Variants in BICD1 observed in about 807,000 individuals in gnomAD.
BICD1 encodes the protein BICD cargo adaptor 1.
BICD1 carries 35 observed loss-of-function variants against 92.5 expected under a neutral mutation model. That is an observed-to-expected ratio of 0.38 (90% CI 0.29 to 0.50). BICD1 has a LOEUF of 0.50. Among genes scored for constraint, BICD1 ranks in the 20% least tolerant of loss-of-function variants. BICD1 has a pLI of 0.93. For missense variants in BICD1, 950 were observed against 1,189.8 expected, an observed-to-expected ratio of 0.80 and a Z score of 2.97; for synonymous variants, 429 against 465.1, an observed-to-expected ratio of 0.92 and a Z score of 1.00.
At position 32,305,778 on chromosome 12, in the gene BICD1, A is replaced by T; in HGVS notation, c.661A>T (p.Ile221Phe). 1 of 1,614,190 alleles carries T rather than the reference A, an allele frequency of 6.2e-7. No individual in the cohort carries two copies. The highest frequency in any genetic ancestry group is 2.2e-5 in the East Asian group (1 of 44,884). The change falls in exon 4 of 10, where the codon ATC becomes TTC. Residue 221 changes from isoleucine (I) to phenylalanine (F), a missense_variant. Around this residue, in one of 5 missense-constraint regions of BICD1, gnomAD observed 246 missense variants for 258.4 expected, o/e 0.95. Coordinates refer to ENST00000652176, the MANE Select transcript of BICD1 (RefSeq NM_001714.4). Reference sequence around the variant, plus strand: ...GCTGAACAGCCAGCTGGAAGATGCCATCCGATTGAAAGAGATTGCTGAGCA... The same window carrying T: ...GCTGAACAGCCAGCTGGAAGATGCCTTCCGATTGAAAGAGATTGCTGAGCA... ...VLLNSQLEDA[I>F]RLKEIAEHQL...
Position 32,107,062 on chromosome 12 carries a change from G to A in BICD1, c.-270G>A, listed in dbSNP as rs1592304501. On this transcript the variant is annotated 5_prime_UTR_variant, in exon 1 of 10. Transcript: ENST00000652176. Reference sequence around the variant, plus strand: ...CCGCACGGCTGCTGACCGCACGCAGGGGCCGGCCCCGAGGACACATGCGGC... The same window carrying A: ...CCGCACGGCTGCTGACCGCACGCAGAGGCCGGCCCCGAGGACACATGCGGC... 9.3e-6 allele frequency: 4 copies of A among 430,322 alleles called. No homozygotes were observed. The East Asian group carries it at 1.7e-4, about 19-fold the overall frequency. The allele number at this position is 430,322 out of a possible 1,614,324, so 26.7% of individuals were successfully genotyped here.
At chr12:32,330,583 A>G (rs1186167129) in intron 5 of BICD1, among the ~76,000 whole-genome samples, 2 of 150,244 alleles carry the variant, frequency 1.3e-5, no homozygotes, top group Non-Finnish European at 3.0e-5. Flanking sequence ...TAAAATATAT[A>G]TATATAAAAT....
chr12:32,239,682 C>T (rs1262472765), intron 2 of BICD1, among the ~76,000 whole-genome samples: 2 of 151,746 alleles, frequency 1.3e-5, no homozygotes, highest in South Asian at 2.1e-4. Context: ...GATCTCAGCT[C>T]ACTGCAACCT....
At chr12:32,188,873 G>A (rs144861904) in intron 1 of BICD1, among the ~76,000 whole-genome samples, 122 of 151,956 alleles carry the variant, frequency 8.0e-4, no homozygotes, top group African/African-American at 2.7e-3. Flanking sequence ...GACTACAGGC[G>A]CCCACTACCA....
chr12:32,322,635 G>C (rs1948688859), intron 4 of BICD1, among the ~76,000 whole-genome samples: 1 of 152,242 alleles, frequency 6.6e-6, no homozygotes, highest in African/African-American at 2.4e-5. Context: ...GACTCCTGTT[G>C]TGTAGGGAGG....
intron 1 of BICD1, among the ~76,000 whole-genome samples, chr12:32,166,534 C>T (rs1943777906): frequency 6.6e-6 from 1 of 152,156 alleles, no homozygotes; most frequent in Non-Finnish European, 1.5e-5. Context: ...CTGCACAGGA[C>T]AGCCAACAGG....
chr12:32,214,856 C>T (rs1356053017), intron 1 of BICD1, among the ~76,000 whole-genome samples: 1 of 151,884 alleles, frequency 6.6e-6, no homozygotes, highest in East Asian at 1.9e-4. Context: ...TTTTGGGTTC[C>T]CCCAACACCG....
intron 1 of BICD1, among the ~76,000 whole-genome samples, chr12:32,197,279 G>T (rs1944755864): frequency 1.3e-5 from 2 of 152,176 alleles, no homozygotes; most frequent in African/African-American, 4.8e-5. Context: ...AAAGTGCTGG[G>T]ATTACAGGCT....
At chr12:32,212,655 C>T (rs1945251743) in intron 1 of BICD1, among the ~76,000 whole-genome samples, 1 of 152,170 alleles carries the variant, frequency 6.6e-6, no homozygotes, top group Non-Finnish European at 1.5e-5. Context: ...AACGCCTGAC[C>T]TCAAGTGATC....
intron 8 of BICD1, 70 bp from the exon 9 acceptor site, chr12:32,367,600 T>TA: frequency 7.1e-7 from 1 of 1,411,556 alleles, no homozygotes; most frequent in Non-Finnish European, 1.0e-6. Context: ...GCAGCTGCTT[T>TA]AGTCACTGTT....
chr12:32,137,982 A>ACAAAACCCTACT (rs1942788127), intron 1 of BICD1, among the ~76,000 whole-genome samples: 1 of 152,054 alleles, frequency 6.6e-6, no homozygotes. Flanking sequence ...TGTTTTTAGT[A>ACAAAACCCTACT]GGGACAGGGT....
chr12:32,120,968 AT>A lies in BICD1; in HGVS notation c.213+13442del, dbSNP rs1276999379. Among the ~76,000 whole-genome samples, 409 of 128,464 alleles carry A rather than the reference AT, an allele frequency of 3.2e-3. 2 individuals carry two copies. Among genetic ancestry groups the A allele is most frequent in the African/African-American group, 6.5e-3 (222 of 34,018 alleles). 84.3% of individuals were successfully genotyped at this position (128,464 alleles called of 152,430 possible). A position where few individuals can be genotyped will look rare whatever the true frequency, so the allele number is the denominator to read the frequency against. ...GCTTTTGAATTGTTGGCTCCATAGAATTTTTTTTTTTTTTTTTTGAGACGGA... is the reference window on the plus strand; with the variant it reads ...GCTTTTGAATTGTTGGCTCCATAGAATTTTTTTTTTTTTTTTTGAGACGGA... On this transcript the variant is annotated intron_variant, in intron 1 of 9. Coordinates refer to ENST00000652176, the MANE Select transcript of BICD1 (RefSeq NM_001714.4).
At chr12:32,269,237 T>C (rs1947076422) in intron 2 of BICD1, among the ~76,000 whole-genome samples, 1 of 152,218 alleles carries the variant, frequency 6.6e-6, no homozygotes, top group African/African-American at 2.4e-5. Context: ...GATAGATTTG[T>C]TTAAAAGATA....
chr12:32,274,256 T>C (rs1055298105), intron 2 of BICD1, among the ~76,000 whole-genome samples: 12 of 152,204 alleles, frequency 7.9e-5, no homozygotes, highest in Admixed American at 7.2e-4. Flanking sequence ...GCAGCCAACT[T>C]AAGACAGATC....
intron 2 of BICD1, among the ~76,000 whole-genome samples, chr12:32,259,145 A>G (rs11051881): frequency 0.079 from 12,061 of 152,210 alleles, 763 homozygotes; most frequent in East Asian, 0.3. Context: ...ATGTCCCTTC[A>G]GCACCTGACC....
At chr12:32,254,886 C>G (rs1371165156) in intron 2 of BICD1, among the ~76,000 whole-genome samples, 1 of 152,068 alleles carries the variant, frequency 6.6e-6, no homozygotes, top group African/African-American at 2.4e-5. Context: ...TTTTTTCTCC[C>G]AAAGCAGAAG....
intron 2 of BICD1, among the ~76,000 whole-genome samples, chr12:32,282,679 T>C (rs986158612): frequency 6.6e-6 from 1 of 152,000 alleles, no homozygotes; most frequent in African/African-American, 2.4e-5. Context: ...CAGACCTGGA[T>C]GGCTCAACCT....
intron 1 of BICD1, among the ~76,000 whole-genome samples, chr12:32,146,911 T>C (rs1364289289): frequency 1.1e-4 from 16 of 148,192 alleles, no homozygotes; most frequent in Non-Finnish European, 1.5e-5. Context: ...CTTTCTCTTC[T>C]TCTTCCTTCT....
At chr12:32,341,045 C>T (rs1373403614) in intron 8 of BICD1, among the ~76,000 whole-genome samples, 1 of 152,206 alleles carries the variant, frequency 6.6e-6, no homozygotes, top group African/African-American at 2.4e-5. Flanking sequence ...AATCTTTCTG[C>T]TACTTTATCC....
Sources: gnomAD v4.1 joint callset for allele counts (sites outside exome capture counted in the v4.1 genomes callset) on GRCh38, gnomAD v4.1.1 for gene constraint, gnomAD v4.1.1 regional missense constraint, MANE v1.5 for transcripts, NCBI Gene and HGNC (gene_info 2026-07-23, HGNC 2026-07-21) for gene names.